The following LDAF1 variants were observed in gnomAD, a reference collection of about 807,000 sequenced individuals.
LDAF1 encodes PROMETHIN.
Under a neutral mutation model 13.5 loss-of-function variants are expected in LDAF1, and 7 were observed. The ratio of observed to expected loss-of-function variants is 0.52; its 90% CI spans 0.29 to 0.97. The LOEUF (loss-of-function observed/expected upper bound fraction) is 0.97. Among genes scored for constraint, LDAF1 ranks in the 50% least tolerant of loss-of-function variants. The pLI is 0.07. For missense variants in LDAF1, 148 were observed against 193.2 expected (o/e 0.77, Z 1.39); for synonymous variants, 69 against 77.1 (o/e 0.89, Z 0.55).
chr16:21,170,321 C>T, intron 2 of LDAF1, 116 bp from the exon 3 acceptor site: 1 of 1,552,490 alleles, frequency 6.4e-7, no homozygotes, highest in Non-Finnish European at 8.7e-7. Flanking sequence ...CTTGTTAATG[C>T]ATAAGCCTTC....
At position 21,161,564 on chromosome 16, in the gene LDAF1, C is replaced by T. The variant is rs117918835; in HGVS notation, c.96+286C>T. Among the ~76,000 whole-genome samples, 953 of 152,292 alleles carry T rather than the reference C, an allele frequency of 6.3e-3. 8 individuals are homozygous for T. Among genetic ancestry groups the T allele is most frequent in the Non-Finnish European group, 9.4e-3 (636 of 68,016 alleles). ...TAAGGAGACTTCTGGGAGTCGCACA[C>T]AATACTTCCAATTACATCCCTTAAG... On this transcript the variant is annotated intron_variant, in intron 2 of 4. Coordinates refer to ENST00000233047, the MANE Select transcript of LDAF1 (RefSeq NM_001301771.2).
At chr16:21,175,984 ATCC>A (rs2093135082) in intron 4 of LDAF1, among the ~76,000 whole-genome samples, 1 of 152,098 alleles carries the variant, frequency 6.6e-6, no homozygotes, top group Non-Finnish European at 1.5e-5. Context: ...GCTTCAAGCA[ATCC>A]TCCCCCGTTG....
rs1597524812 is a variant in LDAF1 at position 21,160,997 on chromosome 16, C to G, written c.-98-88C>G. ...TGCCAGGTTACCCTCCGTCTGCATG[C>G]CCACCATCAAGGTATGAGGATGGTA... On this transcript the variant is annotated intron_variant, in intron 1 of 4. Transcript: ENST00000233047. 4 of 1,344,056 alleles carry G rather than the reference C, an allele frequency of 3.0e-6. No individual in the cohort carries two copies. The East Asian group carries it at 1.1e-4, about 36-fold the overall frequency. 83.3% of individuals were successfully genotyped at this position (1,344,056 alleles called of 1,614,324 possible). A position where few individuals can be genotyped will look rare whatever the true frequency, so the allele number is the denominator to read the frequency against.
At chr16:21,168,689 AATTAT>A (rs1156974458) in intron 2 of LDAF1, among the ~76,000 whole-genome samples, 2 of 134,792 alleles carry the variant, frequency 1.5e-5, no homozygotes, top group Admixed American at 7.6e-5. Flanking sequence ...ATTACATTAC[AATTAT>A]ATTTTTATAT....
intron 2 of LDAF1, among the ~76,000 whole-genome samples, chr16:21,167,696 G>GGTTTTTTTTTTTTTTTT (rs1555584379): frequency 1.1e-5 from 1 of 89,092 alleles, no homozygotes; most frequent in African/African-American, 4.4e-5. Flanking sequence ...CCTTAGGTTT[G>GGTTTTTTTTTTTTTTTT]TTTTTTTTTT....
chr16:21,178,642 C>A lies in LDAF1; in HGVS notation c.405-833C>A, dbSNP rs555848150. ...CTGCAGCTCCAGATCTACCAGCTAC[C>A]TTCAAGGCAGCAGAAAAGGAGAAAA... On this transcript the variant is annotated intron_variant, in intron 4 of 4. Coordinates refer to ENST00000233047, the MANE Select transcript of LDAF1 (RefSeq NM_001301771.2). Among the ~76,000 whole-genome samples the A allele has an allele frequency of 9.4e-4, 143 of 152,234 alleles. 2 individuals are homozygous for A. The South Asian group carries it at 9.5e-3, about 10-fold the overall frequency.
Position 21,165,552 on chromosome 16 carries a change from T to A in LDAF1, c.96+4274T>A, listed in dbSNP as rs144672191. The A allele has an allele frequency of 2.2e-4, 214 of 979,856 alleles. 1 individual carries two copies. In the African/African-American group the frequency reaches 2.3e-3, roughly 10 times the overall value. The allele number at this position is 979,856 out of a possible 1,614,324, so 60.7% of individuals were successfully genotyped here. On this transcript the variant is annotated intron_variant, in intron 2 of 4. Transcript: ENST00000233047. Reference sequence around the variant, plus strand: ...TTTTGTCATTCCACTTTCATACCCATCTACCCCTCCCCCTTCTCTTCCCTC... The same window carrying A: ...TTTTGTCATTCCACTTTCATACCCAACTACCCCTCCCCCTTCTCTTCCCTC...
Position 21,165,646 on chromosome 16 carries a change from C to T in LDAF1, c.96+4368C>T, listed in dbSNP as rs76347321. The T allele has an allele frequency of 2.4e-3, 2,283 of 957,550 alleles. 38 individuals are homozygous for T. The African/African-American group carries it at 0.035, about 15-fold the overall frequency. 59.3% of individuals were successfully genotyped at this position (957,550 alleles called of 1,614,324 possible). On this transcript the variant is annotated intron_variant, in intron 2 of 4. Transcript: ENST00000233047. The stretch of plus-strand genomic sequence containing the variant: ...TTCCTGCAAATCTTTCTACCTGCCT[C>T]TTGCACATGATTGCTAGGTTCATAT...
rs1412113118 is a variant in LDAF1, at chr16:21,178,584, T to A, written c.405-891T>A. The stretch of plus-strand genomic sequence containing the variant: ...TTCCTGTGTTGCTATCCTTAGCCCA[T>A]TGGTTTCCTACCTTATGGCCACAAG... On this transcript the variant is annotated intron_variant, in intron 4 of 4. Coordinates refer to ENST00000233047, the MANE Select transcript of LDAF1 (RefSeq NM_001301771.2). Among the ~76,000 whole-genome samples the A allele has an allele frequency of 2.0e-5, 3 of 152,276 alleles. No homozygotes were observed. The East Asian group carries it at 5.8e-4, about 29-fold the overall frequency.
chr16:21,170,353 G>A, intron 2 of LDAF1, 84 bp from the exon 3 acceptor site: 7 of 1,583,978 alleles, frequency 4.4e-6, no homozygotes, highest in East Asian at 2.2e-5. Flanking sequence ...CTTCTGCCTT[G>A]TAATTCCCAC....
At chr16:21,163,553 G>A (rs1396009679) in intron 2 of LDAF1, among the ~76,000 whole-genome samples, 8 of 152,166 alleles carry the variant, frequency 5.3e-5, no homozygotes, top group East Asian at 3.8e-4. Flanking sequence ...GCTGAGGCAC[G>A]AGAATCGCTT....
At chr16:21,169,744 T>C (rs1016580904) in intron 2 of LDAF1, among the ~76,000 whole-genome samples, 19 of 152,212 alleles carry the variant, frequency 1.2e-4, no homozygotes, top group Non-Finnish European at 2.4e-4. Flanking sequence ...TGCACCTTTA[T>C]GCCGAAGAGG....
chr16:21,173,922 G>A, intron 3 of LDAF1, 88 bp from the exon 4 acceptor site: 1 of 1,303,844 alleles, frequency 7.7e-7, no homozygotes, highest in Non-Finnish European at 1.0e-6. Context: ...TGAGTTAGCG[G>A]TTGTTATTTT....
intron 2 of LDAF1, among the ~76,000 whole-genome samples, chr16:21,161,744 T>G (rs2092976937): frequency 6.6e-6 from 1 of 152,228 alleles, no homozygotes; most frequent in Admixed American, 6.5e-5. Context: ...AAAAGCCTAC[T>G]TCAAGATTTG....
At chr16:21,179,399 A>G (rs748361773) in intron 4 of LDAF1, 76 bp from the exon 5 acceptor site, 2 of 1,611,814 alleles carry the variant, frequency 1.2e-6, no homozygotes, top group Non-Finnish European at 1.7e-6. Flanking sequence ...AACATCATGT[A>G]TTCAGCTATG....
At chr16:21,179,330 C>A in intron 4 of LDAF1, 145 bp from the exon 5 acceptor site, 1 of 1,524,254 alleles carries the variant, frequency 6.6e-7, no homozygotes, top group Non-Finnish European at 8.8e-7. Context: ...GTTTCTTCAT[C>A]TGTATAATGG....
intron 2 of LDAF1, among the ~76,000 whole-genome samples, chr16:21,163,561 C>A (rs965003865): frequency 2.0e-5 from 3 of 152,278 alleles, no homozygotes; most frequent in African/African-American, 7.2e-5. Context: ...ACGAGAATCG[C>A]TTGAACCCAG....
At position 21,170,610 on chromosome 16, in the gene LDAF1, C is replaced by A. The variant is rs762516980; in HGVS notation, c.265+5C>A. The A allele has an allele frequency of 2.0e-5, 32 of 1,613,962 alleles. 1 individual carries two copies. In the South Asian group the frequency reaches 3.4e-4, roughly 17 times the overall value. ...TGGGGGTCATAATATTGGAAGGTAG[C>A]CTGTTCCGTCATTCACCCCTTTAGA... On this transcript the variant is annotated splice_donor_5th_base_variant and intron_variant, in intron 3 of 4. Transcript: ENST00000233047.
chr16:21,165,409 T>C (rs182846448), intron 2 of LDAF1: 6 of 184,740 alleles, frequency 3.2e-5, no homozygotes, highest in Non-Finnish European at 2.0e-5. Flanking sequence ...AGATTCCATC[T>C]CAAAAAAACA....
Sources: gnomAD v4.1 joint callset for allele counts (sites outside exome capture counted in the v4.1 genomes callset) on GRCh38, gnomAD v4.1.1 for gene constraint, MANE v1.5 for transcripts, NCBI Gene and HGNC (gene_info 2026-07-23, HGNC 2026-07-21) for gene names.